Variants in SCFD1 observed in about 807,000 individuals in gnomAD.
The protein encoded by SCFD1 is sec1 family domain containing 1.
A neutral mutation model predicts 103.2 loss-of-function variants in SCFD1; 37 were observed. The observed-to-expected ratio is 0.36, with a 90% confidence interval of 0.28 to 0.47. The LOEUF is 0.47. Ranked by LOEUF, SCFD1 falls within the 20% of genes least tolerant of loss-of-function variation. SCFD1 has a pLI of 1.00. For missense variants in SCFD1, 639 were observed against 761.2 expected, an observed-to-expected ratio of 0.84 and a Z score of 1.89; for synonymous variants, 264 against 245.0, an observed-to-expected ratio of 1.08 and a Z score of -0.73.
chr14:30,676,138 G>A (rs1451894347), intron 14 of SCFD1: 1 of 152,200 alleles, frequency 6.6e-6, no homozygotes, highest in Non-Finnish European at 1.5e-5. Flanking sequence ...TACAGATATA[G>A]ATGTATAGAT....
chr14:30,711,775 G>A (rs1309596821), intron 19 of SCFD1, among the ~76,000 whole-genome samples: 1 of 151,928 alleles, frequency 6.6e-6, no homozygotes, highest in Non-Finnish European at 1.5e-5. Context: ...GGGTTTTTAA[G>A]AGTTTTTATA....
chr14:30,680,816 T>A (rs1042197243), intron 14 of SCFD1, among the ~76,000 whole-genome samples: 10 of 152,156 alleles, frequency 6.6e-5, no homozygotes, highest in African/African-American at 2.2e-4. Context: ...CTATAGTCTG[T>A]GATTTTTCTT....
chr14:30,629,139 T>C (rs1420072210), intron 2 of SCFD1, among the ~76,000 whole-genome samples: 1 of 152,196 alleles, frequency 6.6e-6, no homozygotes, highest in Non-Finnish European at 1.5e-5. Context: ...AGTTTGAGAA[T>C]TTCTTGGGTA....
intron 14 of SCFD1, chr14:30,683,393 G>T: frequency 1.9e-6 from 1 of 538,110 alleles, no homozygotes; most frequent in Non-Finnish European, 3.5e-6. Flanking sequence ...CATATATTGT[G>T]GCAGCTGCTC....
Position 30,651,408 on chromosome 14 carries a change from A to T in SCFD1, c.755+758A>T, listed in dbSNP as rs1566597474. Among the ~76,000 whole-genome samples the T allele has an allele frequency of 2.0e-5, 3 of 150,160 alleles. No homozygotes were observed. In the South Asian group the frequency reaches 6.3e-4, roughly 31 times the overall value. On this transcript the variant is annotated intron_variant, in intron 9 of 24. Transcript: ENST00000458591. Reference sequence around the variant, plus strand: ...TCCTACAGCCTTATAAACTGCTTGTATAATTGGGAGTTCACACTAACACTG... The same window carrying T: ...TCCTACAGCCTTATAAACTGCTTGTTTAATTGGGAGTTCACACTAACACTG...
rs749612977 is a variant in SCFD1 at position 30,702,305 on chromosome 14, G to C, written c.1420G>C (p.Glu474Gln). Residue 474 changes from glutamate to glutamine, a missense_variant, in exon 17 of 25, where the codon GAG (glutamate) becomes CAG (glutamine). Physicochemically the swap from Glu to Gln is conservative, Grantham distance 29. Coordinates refer to ENST00000458591, the MANE Select transcript of SCFD1 (RefSeq NM_016106.4). ...TCTTTTCTTATTTCAGGCTGATTTGGAGCAATATAAAAAAGCTTTAACTGA... is the reference window on the plus strand; with the variant it reads ...TCTTTTCTTATTTCAGGCTGATTTGCAGCAATATAAAAAAGCTTTAACTGA... ...TQQAPSEADL[E>Q]QYKKALTDAG... 2 of 1,593,738 alleles carry C rather than the reference G, an allele frequency of 1.3e-6. No homozygotes were observed. The highest frequency in any genetic ancestry group is 2.3e-5 in the South Asian group (2 of 87,242).
At chr14:30,693,520 CCTT>C (rs1422154660) in intron 14 of SCFD1, among the ~76,000 whole-genome samples, 1 of 152,130 alleles carries the variant, frequency 6.6e-6, no homozygotes, top group South Asian at 2.1e-4. Flanking sequence ...CAAATTCACT[CCTT>C]AGTCTACTGT....
chr14:30,734,350 A>T (rs1378641858), intron 23 of SCFD1: 1 of 169,244 alleles, frequency 5.9e-6, no homozygotes, highest in Non-Finnish European at 1.3e-5. Flanking sequence ...ACTTATAAAT[A>T]CTGTGTTGCT....
chr14:30,643,492 CTCACTT>C (rs1885496531), intron 7 of SCFD1, 87 bp downstream of exon 7: 1 of 912,050 alleles, frequency 1.1e-6, no homozygotes, highest in African/African-American at 1.7e-5. Flanking sequence ...GTGATTCGTT[CTCACTT>C]ACCTGGATCT....
At chr14:30,625,607 ATAGGTATACCTATATAG>A (rs1883319264) in intron 1 of SCFD1, among the ~76,000 whole-genome samples, 1 of 68,502 alleles carries the variant, frequency 1.5e-5, no homozygotes. Context: ...TGTTATAGGT[ATAGGTATACCTATATAG>A]GTATAGGTAT....
At chr14:30,734,639 T>C in intron 23 of SCFD1, 151 bp from the exon 24 acceptor site, 2 of 624,438 alleles carry the variant, frequency 3.2e-6, no homozygotes, top group South Asian at 3.8e-5. Context: ...TTTCATGCAA[T>C]TTTAGGTAGA....
chr14:30,622,588 G>GCACCA, intron 1 of SCFD1, 189 bp downstream of exon 1: 2 of 978,810 alleles, frequency 2.0e-6, no homozygotes, highest in Non-Finnish European at 2.8e-6. Context: ...CTCCTGTGGT[G>GCACCA]CAGGAGAAGG....
intron 14 of SCFD1, among the ~76,000 whole-genome samples, chr14:30,693,547 C>A (rs902538249): frequency 6.6e-6 from 1 of 152,140 alleles, no homozygotes; most frequent in Non-Finnish European, 1.5e-5. Flanking sequence ...GATGTTTCTA[C>A]CTTGTGCCTT....
At chr14:30,659,462 C>T (rs995996034) in intron 10 of SCFD1, among the ~76,000 whole-genome samples, 2 of 152,106 alleles carry the variant, frequency 1.3e-5, no homozygotes, top group Non-Finnish European at 2.9e-5. Context: ...TTGGACAGTG[C>T]AATTCTAAAT....
chr14:30,657,834 C>G (rs948454613), intron 10 of SCFD1, among the ~76,000 whole-genome samples: 2 of 152,052 alleles, frequency 1.3e-5, no homozygotes, highest in African/African-American at 4.8e-5. Flanking sequence ...TATTAAATGT[C>G]TTTGCCTGAA....
At chr14:30,682,431 T>C (rs1889561627) in intron 14 of SCFD1, among the ~76,000 whole-genome samples, 1 of 152,214 alleles carries the variant, frequency 6.6e-6, no homozygotes, top group Non-Finnish European at 1.5e-5. Flanking sequence ...TGATTTTTTG[T>C]AACATAATTT....
chr14:30,639,875 A>G lies in SCFD1; in HGVS notation c.523+11A>G. 5 of 1,574,322 alleles carry G rather than the reference A, an allele frequency of 3.2e-6. No homozygotes were observed. The highest frequency in any genetic ancestry group is 3.4e-6 in the Non-Finnish European group (4 of 1,161,316). On this transcript the variant is annotated intron_variant, in intron 6 of 24. Coordinates refer to ENST00000458591, the MANE Select transcript of SCFD1 (RefSeq NM_016106.4). Reference sequence around the variant, plus strand: ...TTGTTTCATATCGTGGTATGTAAAAATAGAAATGTTGCAATTCTTTGTTAA... The same window carrying G: ...TTGTTTCATATCGTGGTATGTAAAAGTAGAAATGTTGCAATTCTTTGTTAA...
chr14:30,650,583 C>G lies in SCFD1; in HGVS notation c.688C>G (p.Arg230Gly), dbSNP rs370387803. ...MVAVKLDKKL[R>G]ENLRDARNSL... Reference sequence around the variant, plus strand: ...TTTTCAGAAACTAGACAAGAAACTTCGAGAAAATCTAAGAGATGCAAGAAA... The same window carrying G: ...TTTTCAGAAACTAGACAAGAAACTTGGAGAAAATCTAAGAGATGCAAGAAA... The change falls in exon 9 of 25, where the codon CGA becomes GGA. Residue 230 changes from arginine (R) to glycine (G), a missense_variant. Arg to Gly is a moderately radical substitution (Grantham distance 125). Transcript: ENST00000458591. The G allele has an allele frequency of 6.2e-7, 1 of 1,606,886 alleles. No individual in the cohort carries two copies. Among genetic ancestry groups the G allele is most frequent in the Non-Finnish European group, 8.5e-7 (1 of 1,174,162 alleles).
At chr14:30,671,182 G>A (rs1888505084) in intron 11 of SCFD1, among the ~76,000 whole-genome samples, 1 of 151,982 alleles carries the variant, frequency 6.6e-6, no homozygotes, top group African/African-American at 2.4e-5. Context: ...AACATGCTGG[G>A]TTTTTAATAT....
Sources: gnomAD v4.1 joint callset for allele counts (sites outside exome capture counted in the v4.1 genomes callset) on GRCh38, gnomAD v4.1.1 for gene constraint, MANE v1.5 for transcripts, NCBI Gene and HGNC (gene_info 2026-07-23, HGNC 2026-07-21) for gene names.